Variants in TRAF2 observed in about 807,000 individuals in gnomAD.
The protein encoded by TRAF2 is TNF receptor-associated factor 2.
TRAF2 carries 6 observed loss-of-function variants against 55.6 expected under a neutral mutation model. The ratio of observed to expected loss-of-function variants is 0.11; its 90% CI spans 0.06 to 0.21. TRAF2 has a LOEUF of 0.21. Among genes scored for constraint, TRAF2 ranks in the 10% least tolerant of loss-of-function variants. The probability of loss-of-function intolerance (pLI) is 1.00; values close to 1 mark genes in which losing one functional copy is unlikely to be tolerated. For missense variants in TRAF2, 561 were observed against 684.5 expected (o/e 0.82, Z 2.01); for synonymous variants, 329 against 276.3 (o/e 1.19, Z -1.89).
At chr9:136,904,566 C>T (rs960489393) in intron 4 of TRAF2, among the ~76,000 whole-genome samples, 18 of 151,996 alleles carry the variant, frequency 1.2e-4, no homozygotes, top group East Asian at 1.9e-4. Flanking sequence ...CCACCACTCT[C>T]GGCTAATTTT....
chr9:136,908,677 T>C (rs1564413923), intron 5 of TRAF2, among the ~76,000 whole-genome samples: 1 of 151,888 alleles, frequency 6.6e-6, no homozygotes. Flanking sequence ...CCATCCTGGC[T>C]AACATGGTGA....
chr9:136,890,772 C>T (rs17250057), intron 1 of TRAF2, among the ~76,000 whole-genome samples: 3 of 152,184 alleles, frequency 2.0e-5, no homozygotes, highest in South Asian at 2.1e-4. Context: ...GTCCCCTGAC[C>T]GGGCTGCCTG....
At position 136,923,854 on chromosome 9, in the gene TRAF2, T is replaced by C; in HGVS notation, c.1141T>C (p.Phe381Leu). Reference sequence around the variant, plus strand: ...AGGCACCCCTCCTGCCTCCCCAGCCTTCTACACCAGCAGGTACGGCTACAA... The same window carrying C: ...AGGCACCCCTCCTGCCTCCCCAGCCCTCTACACCAGCAGGTACGGCTACAA... ...GRIPAIFSPA[F>L]YTSRYGYKMC... The change falls in exon 10 of 11, where the codon TTC becomes CTC. Residue 381 changes from phenylalanine to leucine, a missense_variant and splice_region_variant. Phe to Leu is a conservative substitution (Grantham distance 22). This residue lies in a region of TRAF2 where 135 missense variants were observed against 207.7 expected (regional missense o/e 0.65). Transcript: ENST00000247668. The C allele has an allele frequency of 6.2e-7, 1 of 1,613,242 alleles. No homozygotes were observed. Among genetic ancestry groups the C allele is most frequent in the Non-Finnish European group, 8.5e-7 (1 of 1,179,742 alleles).
At chr9:136,909,441 TC>T (rs1218093517) in intron 5 of TRAF2, among the ~76,000 whole-genome samples, 6 of 152,084 alleles carry the variant, frequency 3.9e-5, no homozygotes, top group Non-Finnish European at 8.8e-5. Context: ...GAGCCCCACT[TC>T]CCTGAGACCC....
intron 6 of TRAF2, among the ~76,000 whole-genome samples, chr9:136,915,504 A>AT (rs948893186): frequency 1.3e-5 from 2 of 151,968 alleles, no homozygotes; most frequent in Non-Finnish European, 2.9e-5. Flanking sequence ...ACGCGCGGAC[A>AT]TTTTTTATTG....
At chr9:136,884,567 A>G (rs1849412150), upstream of TRAF2, among the ~76,000 whole-genome samples, 1 of 62,010 alleles carries the variant, frequency 1.6e-5, no homozygotes, top group Admixed American at 1.2e-4. Flanking sequence ...CTCAAAAAAG[A>G]AAAAAAAGAG....
chr9:136,913,865 C>A (rs1485966860), intron 6 of TRAF2, among the ~76,000 whole-genome samples: 1 of 152,084 alleles, frequency 6.6e-6, no homozygotes, highest in Non-Finnish European at 1.5e-5. Context: ...GCTCCCAGGG[C>A]TTGGTCGGGT....
upstream of TRAF2, among the ~76,000 whole-genome samples, chr9:136,884,425 C>T (rs1299063657): frequency 6.6e-6 from 1 of 151,968 alleles, no homozygotes; most frequent in African/African-American, 2.4e-5. Flanking sequence ...CCGGGCGTAG[C>T]GGTGTGCGCC....
intron 1 of TRAF2, among the ~76,000 whole-genome samples, chr9:136,894,258 G>T (rs892447822): frequency 6.6e-6 from 1 of 151,628 alleles, no homozygotes; most frequent in Non-Finnish European, 1.5e-5. Context: ...TGTTGGCCAG[G>T]ATGGTCTCGA....
At chr9:136,887,001 G>A (rs1026417467) in intron 1 of TRAF2, among the ~76,000 whole-genome samples, 4 of 152,060 alleles carry the variant, frequency 2.6e-5, no homozygotes, top group African/African-American at 7.2e-5. Context: ...GGTCAGGGGC[G>A]CCTCCGACCC....
chr9:136,885,979 G>A (rs1564401024), upstream of TRAF2: 1 of 152,248 alleles, frequency 6.6e-6, no homozygotes. Flanking sequence ...CGGCACCGGG[G>A]GAGGCGGAGG....
At chr9:136,911,023 G>T (rs2131312813) in intron 6 of TRAF2, among the ~76,000 whole-genome samples, 1 of 152,342 alleles carries the variant, frequency 6.6e-6, no homozygotes, top group South Asian at 2.1e-4. Flanking sequence ...CCTGCTGGTG[G>T]GGCCTGGAGG....
chr9:136,918,412 C>A (rs1273304734), intron 7 of TRAF2, among the ~76,000 whole-genome samples: 3 of 151,386 alleles, frequency 2.0e-5, no homozygotes, highest in African/African-American at 7.3e-5. Flanking sequence ...TGATAAAAGG[C>A]CCAAGTAGCT....
chr9:136,898,659 G>C (rs1266446950), intron 1 of TRAF2, 54 bp from the exon 2 acceptor site: 41 of 1,594,686 alleles, frequency 2.6e-5, no homozygotes, highest in Non-Finnish European at 3.5e-5. Flanking sequence ...GTTTGGTTTT[G>C]TCTCGAGGAC....
chr9:136,910,063 G>T, intron 6 of TRAF2, 69 bp downstream of exon 6: 1 of 1,489,310 alleles, frequency 6.7e-7, no homozygotes, highest in Non-Finnish European at 9.2e-7. Flanking sequence ...GGGTCCCGTG[G>T]GTGGGGGTGG....
At chr9:136,912,483 C>T (rs1386033625) in intron 6 of TRAF2, among the ~76,000 whole-genome samples, 1 of 152,014 alleles carries the variant, frequency 6.6e-6, no homozygotes, top group Non-Finnish European at 1.5e-5. Flanking sequence ...TTTAGTGTTG[C>T]AAATCTTGGT....
intron 1 of TRAF2, among the ~76,000 whole-genome samples, chr9:136,888,070 C>T (rs1327860601): frequency 3.3e-5 from 5 of 151,948 alleles, no homozygotes; most frequent in African/African-American, 1.2e-4. Context: ...AGGGTTTCAT[C>T]ATGTTGGCCA....
chr9:136,890,411 C>G (rs1266628147), intron 1 of TRAF2: 1 of 152,238 alleles, frequency 6.6e-6, no homozygotes, highest in Non-Finnish European at 1.5e-5. Flanking sequence ...CAAGAGCAGC[C>G]CATGCCGTCC....
At chr9:136,905,625 C>CTAA (rs1849929881) in intron 4 of TRAF2, among the ~76,000 whole-genome samples, 2 of 152,208 alleles carry the variant, frequency 1.3e-5, no homozygotes, top group African/African-American at 2.4e-5. Context: ...GAAGAAACAG[C>CTAA]AGATTTTCAA....
Sources: gnomAD v4.1 joint callset for allele counts (sites outside exome capture counted in the v4.1 genomes callset) on GRCh38, gnomAD v4.1.1 for gene constraint, gnomAD v4.1.1 regional missense constraint, MANE v1.5 for transcripts, NCBI Gene and HGNC (gene_info 2026-07-23, HGNC 2026-07-21) for gene names.